The following C6 variants were observed in gnomAD, a reference collection of about 807,000 sequenced individuals.
C6 encodes complement C6.
Under a neutral mutation model 112.9 loss-of-function variants are expected in C6, and 101 were observed. The ratio of observed to expected loss-of-function variants is 0.89; its 90% CI spans 0.76 to 1.06. The LOEUF is 1.06. Ranked by LOEUF, C6 falls within the 50% of genes least tolerant of loss-of-function variation. The pLI, the probability that C6 is intolerant of heterozygous loss-of-function variation, is 0.00. For missense variants in C6, 1,202 were observed against 1,104.6 expected (o/e 1.09, Z -1.25); for synonymous variants, 431 against 384.1 (o/e 1.12, Z -1.43).
chr5:41,233,198 A>T (rs1740017551), intron 1 of C6, among the ~76,000 whole-genome samples: 1 of 152,122 alleles, frequency 6.6e-6, no homozygotes, highest in Non-Finnish European at 1.5e-5. Flanking sequence ...TTTAGCAGTC[A>T]GTTTTCTTAT....
chr5:41,155,831 T>C (rs776324008), intron 13 of C6, among the ~76,000 whole-genome samples: 1 of 151,942 alleles, frequency 6.6e-6, no homozygotes, highest in Non-Finnish European at 1.5e-5. Flanking sequence ...ATTGCTAGAA[T>C]AGAAAAACCA....
chr5:41,228,826 T>G (rs1344882440), intron 1 of C6, among the ~76,000 whole-genome samples: 1 of 152,194 alleles, frequency 6.6e-6, no homozygotes, highest in Non-Finnish European at 1.5e-5. Flanking sequence ...TCATGGTGAA[T>G]GATTGTTTAA....
chr5:41,149,157 A>T, intron 17 of C6, 84 bp downstream of exon 17: 1 of 1,483,896 alleles, frequency 6.7e-7, no homozygotes, highest in Non-Finnish European at 9.4e-7. Flanking sequence ...TTGATTAAGG[A>T]TAGGTTATTT....
Position 41,172,274 on chromosome 5 carries a change from T to A in C6, c.1242A>T (p.Thr414=), listed in dbSNP as rs1260069036. 1 of 1,613,740 alleles carries A rather than the reference T, an allele frequency of 6.2e-7. No individual in the cohort carries two copies. Among genetic ancestry groups the A allele is most frequent in the Admixed American group, 1.7e-5 (1 of 59,968 alleles). Residue 414 remains threonine (T), a synonymous_variant, in exon 9 of 18, where the codon ACA becomes ACT. Transcript: ENST00000337836. ...TGGTGGTGCACCTATGTTCCACTTT[T>A]GTTTTCTTAGCAAATAAAACGCGTT... ...TKKRVLFAKK[T]KVEHRCTTNK... is the part of the protein sequence containing the mutation.
chr5:41,224,541 T>C (rs1392112456), intron 1 of C6, among the ~76,000 whole-genome samples: 1 of 152,164 alleles, frequency 6.6e-6, no homozygotes, highest in Admixed American at 6.6e-5. Context: ...ACTAAGTGCG[T>C]TTTCAAGGTT....
At chr5:41,202,791 G>A (rs1460528202) in intron 2 of C6, among the ~76,000 whole-genome samples, 2 of 151,970 alleles carry the variant, frequency 1.3e-5, no homozygotes, top group Admixed American at 6.5e-5. Context: ...GGCAAGCAAA[G>A]TTGTATGCTG....
chr5:41,189,670 G>C (rs1750048060), intron 5 of C6, among the ~76,000 whole-genome samples: 1 of 151,778 alleles, frequency 6.6e-6, no homozygotes, highest in Admixed American at 6.6e-5. Flanking sequence ...CTAAATTATT[G>C]TTAACTATAG....
chr5:41,202,544 C>T (rs954805356), intron 2 of C6, among the ~76,000 whole-genome samples: 10 of 152,152 alleles, frequency 6.6e-5, no homozygotes, highest in Non-Finnish European at 1.3e-4. Context: ...TCTCCCCTAA[C>T]ATGTGAGCAT....
At chr5:41,201,759 A>G in intron 2 of C6, 45 bp from the exon 3 acceptor site, 4 of 1,483,320 alleles carry the variant, frequency 2.7e-6, no homozygotes, top group Non-Finnish European at 3.8e-6. Flanking sequence ...TGTATTCACC[A>G]TATATCCTGC....
intron 1 of C6, among the ~76,000 whole-genome samples, chr5:41,251,474 T>A (rs1741358422): frequency 6.6e-6 from 1 of 152,178 alleles, no homozygotes; most frequent in Admixed American, 6.5e-5. Context: ...GAAAACTTGA[T>A]CTTGTTGCCA....
chr5:41,221,586 C>G (rs1193177417), intron 1 of C6, among the ~76,000 whole-genome samples: 2 of 152,096 alleles, frequency 1.3e-5, no homozygotes, highest in Non-Finnish European at 2.9e-5. Context: ...CTAGCCTACT[C>G]AAGTTTATTG....
intron 1 of C6, among the ~76,000 whole-genome samples, chr5:41,234,571 G>T (rs1381971141): frequency 1.3e-5 from 2 of 151,896 alleles, no homozygotes; most frequent in Admixed American, 1.3e-4. Flanking sequence ...GGACAAAAGT[G>T]GAAATATCAT....
chr5:41,230,720 C>A (rs1291026168), intron 1 of C6, among the ~76,000 whole-genome samples: 4 of 152,064 alleles, frequency 2.6e-5, no homozygotes, highest in Admixed American at 6.6e-5. Context: ...TTTTAAAATC[C>A]CTAATAAAAA....
rs183922427 is a variant in C6, at chr5:41,142,744, T to C, written c.*81A>G. On this transcript the variant is annotated 3_prime_UTR_variant, in exon 18 of 18. Transcript: ENST00000337836. ...ACTTTGAGCATGCCAGTCTGCTGTT[T>C]GTGCAAGAATTCTCATTTGTAGGAG... 5 of 1,102,050 alleles carry C rather than the reference T, an allele frequency of 4.5e-6. No homozygotes were observed. Among genetic ancestry groups the C allele is most frequent in the Non-Finnish European group, 7.0e-6 (5 of 715,318 alleles). The allele number at this position is 1,102,050 out of a possible 1,614,324, so 68.3% of individuals were successfully genotyped here.
intron 4 of C6, 125 bp from the exon 5 acceptor site, chr5:41,196,058 T>C (rs1580165858): frequency 4.5e-6 from 5 of 1,123,480 alleles, no homozygotes; most frequent in South Asian, 1.3e-5. Flanking sequence ...CTGTTTTTGA[T>C]AGAGTTTTAG....
intron 7 of C6, among the ~76,000 whole-genome samples, chr5:41,177,215 G>T (rs182193996): frequency 6.6e-6 from 1 of 152,222 alleles, no homozygotes; most frequent in East Asian, 1.9e-4. Flanking sequence ...GATAAGATGA[G>T]GGCTTGCACC....
At chr5:41,165,643 A>G (rs1254124765) in intron 9 of C6, among the ~76,000 whole-genome samples, 1 of 152,112 alleles carries the variant, frequency 6.6e-6, no homozygotes. Flanking sequence ...ACTACATGTC[A>G]CTTGTGCAAC....
intron 1 of C6, among the ~76,000 whole-genome samples, chr5:41,252,002 A>G (rs571357310): frequency 3.9e-5 from 6 of 152,350 alleles, no homozygotes; most frequent in Admixed American, 3.3e-4. Flanking sequence ...ACCTTATGGC[A>G]AAAGATTTTA....
chr5:41,218,342 A>C (rs1035360010), upstream of C6, among the ~76,000 whole-genome samples: 1 of 152,150 alleles, frequency 6.6e-6, no homozygotes, highest in Admixed American at 6.6e-5. Context: ...CGAATTTTGC[A>C]AAAATTTACT....
Sources: allele counts gnomAD v4.1 joint callset (sites outside exome capture counted in the v4.1 genomes callset), GRCh38; gene constraint gnomAD v4.1.1; transcripts MANE v1.5; gene names NCBI Gene and HGNC (gene_info 2026-07-23, HGNC 2026-07-21).